Variants in MECR observed in about 807,000 individuals in gnomAD.
The protein encoded by MECR is mitochondrial trans-2-enoyl-CoA reductase.
In MECR, 37 loss-of-function variants were observed where a neutral mutation model predicts 49.1. The ratio of observed to expected loss-of-function variants is 0.75; its 90% CI spans 0.58 to 0.99. MECR has a LOEUF of 0.99. Among genes scored for constraint, MECR ranks in the 50% least tolerant of loss-of-function variants. The probability of loss-of-function intolerance (pLI) is 0.00; values close to 1 mark genes in which losing one functional copy is unlikely to be tolerated. For missense variants in MECR, 470 were observed against 479.6 expected (o/e 0.98, Z 0.19); for synonymous variants, 198 against 191.1 (o/e 1.04, Z -0.30).
At chr1:29,213,706 G>C (rs1334185801) in intron 3 of MECR, among the ~76,000 whole-genome samples, 1 of 152,258 alleles carries the variant, frequency 6.6e-6, no homozygotes, top group Non-Finnish European at 1.5e-5. Context: ...GTATGTATCA[G>C]AGTGGATCTG....
the MECR span, among the ~76,000 whole-genome samples, chr1:29,182,689 G>A: frequency 1.3e-5 from 2 of 152,072 alleles, no homozygotes; most frequent in South Asian, 2.1e-4. Context: ...GACTACAGGC[G>A]CCCGCCCCCA....
chr1:29,206,961 C>A lies in MECR; in HGVS notation c.407-56G>T, dbSNP rs12731683. ...GGAAGGAGCCCTGTGCACATTCAAC[C>A]CCAGCTCACCCTCCTTGGCCAAGAA... On this transcript the variant is annotated intron_variant, in intron 3 of 9. Coordinates refer to ENST00000263702, the MANE Select transcript of MECR (RefSeq NM_016011.5). 0.018 allele frequency: 29,497 copies of A among 1,595,954 alleles called. 367 individuals carry two copies. The highest frequency in any genetic ancestry group is 0.056 in the Middle Eastern group (334 of 5,988).
chr1:29,182,055 G>T, the MECR span: 1 of 276,478 alleles, frequency 3.6e-6, no homozygotes, highest in Non-Finnish European at 6.6e-6. Flanking sequence ...TCGACAGGCG[G>T]CGCTGCGGCA....
chr1:29,214,653 G>A (rs563688095), intron 3 of MECR, among the ~76,000 whole-genome samples: 1 of 152,224 alleles, frequency 6.6e-6, no homozygotes, highest in East Asian at 1.9e-4. Flanking sequence ...GAGCCACCAC[G>A]CCTGGCCCCA....
the MECR span, among the ~76,000 whole-genome samples, chr1:29,177,376 G>A: frequency 6.6e-6 from 1 of 151,590 alleles, no homozygotes; most frequent in East Asian, 1.9e-4. Flanking sequence ...ATGCCTCTGA[G>A]GTTCAAGTGA....
chr1:29,174,987 T>TAA, the MECR span, among the ~76,000 whole-genome samples: 61 of 134,184 alleles, frequency 4.5e-4, no homozygotes, highest in South Asian at 2.3e-3. Context: ...GTTTTTTAAT[T>TAA]AAAAAAAAAA....
At chr1:29,186,001 C>A in the MECR span, among the ~76,000 whole-genome samples, 4 of 152,188 alleles carry the variant, frequency 2.6e-5, no homozygotes, top group Middle Eastern at 3.4e-3. Flanking sequence ...CACACACACA[C>A]AAAAACAACA....
the MECR span, among the ~76,000 whole-genome samples, chr1:29,186,010 C>CA: frequency 6.6e-6 from 1 of 151,982 alleles, no homozygotes; most frequent in Non-Finnish European, 1.5e-5. Context: ...ACAAAAACAA[C>CA]AAAAAACCAC....
chr1:29,217,312 C>T (rs1043106489), intron 1 of MECR, among the ~76,000 whole-genome samples: 26 of 149,984 alleles, frequency 1.7e-4, no homozygotes, highest in African/African-American at 5.9e-4. Flanking sequence ...CAGGTTCAAG[C>T]GATTCTCCTG....
chr1:29,201,313 T>G lies in MECR; in HGVS notation c.756+630A>C. The G allele has an allele frequency of 2.0e-6, 1 of 508,508 alleles. No individual in the cohort carries two copies. The highest frequency in any genetic ancestry group is 4.0e-6 in the Non-Finnish European group (1 of 251,358). The allele number at this position is 508,508 out of a possible 1,614,324, so 31.5% of individuals were successfully genotyped here. A position where few individuals can be genotyped will look rare whatever the true frequency, so the allele number is the denominator to read the frequency against. On this transcript the variant is annotated intron_variant, in intron 6 of 9. Coordinates refer to ENST00000263702, the MANE Select transcript of MECR (RefSeq NM_016011.5). This position sits in a 1 kb window ranked among gnomAD's most constrained non-coding sequence, Gnocchi z 4.3. ...TTCGCAAGAAGCGCATGCTCTTGAG[T>G]GTGTGTCTTTGGTTCCTCCAGATGG...
At chr1:29,179,241 T>C in the MECR span, among the ~76,000 whole-genome samples, 1 of 152,264 alleles carries the variant, frequency 6.6e-6, no homozygotes, top group Non-Finnish European at 1.5e-5. Flanking sequence ...TAAGGCTTGA[T>C]CCATGCTAGA....
At chr1:29,191,241 C>T (rs1413647129), downstream of MECR, among the ~76,000 whole-genome samples, 1 of 152,170 alleles carries the variant, frequency 6.6e-6, no homozygotes, top group Non-Finnish European at 1.5e-5. Flanking sequence ...GGGGCCTGCT[C>T]CTTCACCAGG....
the MECR span, chr1:29,181,502 C>A: frequency 1.4e-5 from 9 of 655,638 alleles, no homozygotes; most frequent in Non-Finnish European, 2.1e-5. Context: ...TACCCGCGCC[C>A]CCGAGGCGCC....
chr1:29,182,801 C>T, the MECR span, among the ~76,000 whole-genome samples: 1 of 152,238 alleles, frequency 6.6e-6, no homozygotes, highest in South Asian at 2.1e-4. Context: ...GCCTTGGCCT[C>T]CCAAAGTGCT....
Position 29,196,219 on chromosome 1 carries a change from C to T in MECR, c.870G>A (p.Lys290=), listed in dbSNP as rs1038304193. 6.2e-7 allele frequency: 1 copy of T among 1,614,080 alleles called. No individual in the cohort carries two copies. The highest frequency in any genetic ancestry group is 8.5e-7 in the Non-Finnish European group (1 of 1,180,032). ...GTMVTYGGMA[K]QPVVASVSLL... ...TTACCACAGAGGCTACGACGGGCTG[C>T]TTGGCCATCCCCCCATAGGTTACCA... The change falls in exon 8 of 10, where the codon AAG becomes AAA. Residue 290 remains lysine (K), a synonymous_variant. Transcript: ENST00000263702.
Position 29,230,918 on chromosome 1 carries a change from C to G in MECR, c.-12G>C, listed in dbSNP as rs980233380. The G allele has an allele frequency of 1.9e-6, 3 of 1,588,706 alleles. No homozygotes were observed. Among genetic ancestry groups the G allele is most frequent in the Non-Finnish European group, 2.6e-6 (3 of 1,172,368 alleles). ...CTGCAGACCCACATGCTCGCTCCAA[C>G]CAACACAGAGCCTGACGCCCCGGCT... On this transcript the variant is annotated 5_prime_UTR_variant, in exon 1 of 10. Coordinates refer to ENST00000263702, the MANE Select transcript of MECR (RefSeq NM_016011.5).
At chr1:29,224,876 A>G (rs542744979) in intron 1 of MECR, 67 of 152,276 alleles carry the variant, frequency 4.4e-4, no homozygotes, top group African/African-American at 1.6e-3. Flanking sequence ...GACCCCTCCC[A>G]CCTCACCCAG....
rs146959442 is a variant in MECR at position 29,206,892 on chromosome 1, G to A, written c.420C>T (p.Thr140=). 3.9e-4 allele frequency: 632 copies of A among 1,614,044 alleles called. No homozygotes were observed. Among genetic ancestry groups the A allele is most frequent in the Non-Finnish European group, 4.8e-4 (565 of 1,179,992 alleles). The change falls in exon 4 of 10, where the codon ACC becomes ACT. Residue 140 remains threonine, a synonymous_variant. Transcript: ENST00000263702. ...GTGCTTCCTCGCTGAACACAGCCTC[G>A]GTCCGCCAGGTTCCTGAGTCAGAAG... The part of the protein sequence containing the change: ...PANAGLGTWR[T]EAVFSEEALI...
chr1:29,205,341 G>A (rs111781663), intron 4 of MECR, among the ~76,000 whole-genome samples: 81 of 151,794 alleles, frequency 5.3e-4, no homozygotes, highest in African/African-American at 1.8e-3. Context: ...CTGCCACCAC[G>A]CCGGGCTAAT....
Sources: gnomAD v4.1 joint callset for allele counts (sites outside exome capture counted in the v4.1 genomes callset) on GRCh38, gnomAD v4.1.1 for gene constraint, Gnocchi (gnomAD v3.1) non-coding constraint, MANE v1.5 for transcripts, NCBI Gene and HGNC (gene_info 2026-07-23, HGNC 2026-07-21) for gene names.